OPCML: variants seen among roughly 807,000 people sequenced by gnomAD.
The protein encoded by OPCML is opioid-binding protein/cell adhesion molecule.
Under a neutral mutation model 37.8 loss-of-function variants are expected in OPCML, and 13 were observed. The observed-to-expected ratio is 0.34, with a 90% confidence interval of 0.22 to 0.55. The LOEUF (loss-of-function observed/expected upper bound fraction) is 0.55. OPCML is among the 20% of genes least tolerant of loss of function. OPCML has a pLI of 0.91. For missense variants in OPCML, 341 were observed against 435.6 expected, an observed-to-expected ratio of 0.78 and a Z score of 1.93; for synonymous variants, 176 against 168.8, an observed-to-expected ratio of 1.04 and a Z score of -0.33.
intron 1 of OPCML, among the ~76,000 whole-genome samples, chr11:133,470,690 T>C (rs1371814655): frequency 6.6e-6 from 1 of 152,242 alleles, no homozygotes; most frequent in Non-Finnish European, 1.5e-5. Flanking sequence ...ATCTTTCTAT[T>C]GCACTTTGTG....
intron 2 of OPCML, among the ~76,000 whole-genome samples, chr11:132,790,920 T>C (rs1481790279): frequency 6.6e-6 from 1 of 152,224 alleles, no homozygotes; most frequent in East Asian, 1.9e-4. Flanking sequence ...GCTGTGAGGA[T>C]ATCAGGAAAA....
chr11:133,369,079 T>C (rs1332394000), intron 1 of OPCML, among the ~76,000 whole-genome samples: 1 of 152,254 alleles, frequency 6.6e-6, no homozygotes, highest in Non-Finnish European at 1.5e-5. Flanking sequence ...CAACCAGATT[T>C]GGTGCAACCA....
intron 1 of OPCML, among the ~76,000 whole-genome samples, chr11:133,310,711 G>T (rs1943049314): frequency 6.6e-6 from 1 of 152,122 alleles, no homozygotes; most frequent in Admixed American, 6.5e-5. Flanking sequence ...CCAGGGTTCA[G>T]GTGGAATGAG....
chr11:132,522,419 C>T (rs2096296144), intron 4 of OPCML, among the ~76,000 whole-genome samples: 2 of 152,136 alleles, frequency 1.3e-5, no homozygotes, highest in African/African-American at 4.8e-5. Context: ...AGTTAAAACA[C>T]AAAAAATGTA....
chr11:133,022,762 G>A (rs1166686217), intron 1 of OPCML, among the ~76,000 whole-genome samples: 1 of 152,180 alleles, frequency 6.6e-6, no homozygotes, highest in Non-Finnish European at 1.5e-5. Context: ...CTAAGCCAAA[G>A]TCACACAATC....
intron 2 of OPCML, among the ~76,000 whole-genome samples, chr11:132,705,213 G>A (rs1391282784): frequency 1.3e-5 from 2 of 151,830 alleles, no homozygotes; most frequent in Non-Finnish European, 2.9e-5. Flanking sequence ...CATGGGAGTG[G>A]ATTTCTCACG....
At chr11:132,716,151 C>G (rs988186963) in intron 2 of OPCML, among the ~76,000 whole-genome samples, 1 of 152,210 alleles carries the variant, frequency 6.6e-6, no homozygotes, top group Non-Finnish European at 1.5e-5. Flanking sequence ...GAGGTCTGCA[C>G]TGTGGCCTGC....
At position 132,761,085 on chromosome 11, in the gene OPCML, G is replaced by C. The variant is rs546579513; in HGVS notation, c.147-103766C>G. Among the ~76,000 whole-genome samples the C allele has an allele frequency of 3.9e-5, 6 of 152,216 alleles. No homozygotes were observed. The East Asian group carries it at 1.2e-3, about 29-fold the overall frequency. ...TTAGTTTGGTGGGATATGAAATTCT[G>C]GGTTGAAAATTCTTTTCTTTAAGAA... On this transcript the variant is annotated intron_variant, in intron 2 of 7. Transcript: ENST00000524381.
chr11:133,339,936 G>T (rs191181395), intron 1 of OPCML, among the ~76,000 whole-genome samples: 1 of 152,288 alleles, frequency 6.6e-6, no homozygotes, highest in Admixed American at 6.5e-5. Context: ...CAAAAATCCT[G>T]TAAAAGAAAA....
In OPCML at chr11:133,236,011, CTA is replaced by C. The variant is rs142162752; in HGVS notation, c.62-293003_62-293002del. Among the ~76,000 whole-genome samples the C allele has an allele frequency of 3.2e-3, 492 of 152,302 alleles. 2 individuals carry two copies. The highest frequency in any genetic ancestry group is 0.011 in the African/African-American group (442 of 41,540). On this transcript the variant is annotated intron_variant, in intron 1 of 7. Transcript: ENST00000524381. ...GAATGGTAGTAAAACGTTATATATA[CTA>C]TGTTTTCTCCTATACATACATCCCT...
chr11:133,397,959 A>G (rs1170831498), intron 1 of OPCML, among the ~76,000 whole-genome samples: 1 of 152,194 alleles, frequency 6.6e-6, no homozygotes, highest in Non-Finnish European at 1.5e-5. Flanking sequence ...TTAATATGGC[A>G]TGTTTTCTGA....
rs190900693 is a variant in OPCML at position 132,809,995 on chromosome 11, G to A, written c.146+132931C>T. ...CTCCCGAGTAGCCGGGACTACAGGCGCCCGCCACCACGCCCGGCTAATTTT... is the reference window on the plus strand; with the variant it reads ...CTCCCGAGTAGCCGGGACTACAGGCACCCGCCACCACGCCCGGCTAATTTT... On this transcript the variant is annotated intron_variant, in intron 2 of 7. Transcript: ENST00000524381. 8.9e-3 allele frequency among the ~76,000 whole-genome samples: 1,354 copies of A among 152,066 alleles called. 13 individuals are homozygous for A. The highest frequency in any genetic ancestry group is 0.028 in the South Asian group (136 of 4,804).
chr11:133,044,278 A>G (rs546147012), intron 1 of OPCML, among the ~76,000 whole-genome samples: 1 of 152,228 alleles, frequency 6.6e-6, no homozygotes, highest in South Asian at 2.1e-4. Context: ...AAAGATAGTA[A>G]ATGTAGAGAT....
intron 1 of OPCML, among the ~76,000 whole-genome samples, chr11:133,063,034 G>A (rs796843454): frequency 5.5e-4 from 84 of 152,346 alleles, no homozygotes; most frequent in African/African-American, 2.0e-3. Context: ...ATGGGGCTTT[G>A]GGGTCATGGA....
intron 4 of OPCML, among the ~76,000 whole-genome samples, chr11:132,480,278 GATGAA>G (rs1265476243): frequency 6.6e-6 from 1 of 152,178 alleles, no homozygotes; most frequent in East Asian, 1.9e-4. Context: ...AGTGATGGAA[GATGAA>G]ATGAATGAAA....
At chr11:133,390,303 CA>C (rs370231781) in intron 1 of OPCML, among the ~76,000 whole-genome samples, 4 of 149,060 alleles carry the variant, frequency 2.7e-5, no homozygotes, top group East Asian at 2.0e-4. Flanking sequence ...ACTAAAAATA[CA>C]AAAAAAAAAT....
intron 1 of OPCML, among the ~76,000 whole-genome samples, chr11:133,499,851 T>TAC (rs1947871646): frequency 1.5e-5 from 2 of 131,362 alleles, no homozygotes; most frequent in Non-Finnish European, 1.5e-5. Context: ...TATATATATA[T>TAC]ACATACACAT....
chr11:132,896,386 T>C (rs1943844932), intron 2 of OPCML, among the ~76,000 whole-genome samples: 1 of 152,220 alleles, frequency 6.6e-6, no homozygotes, highest in Non-Finnish European at 1.5e-5. Flanking sequence ...GAGCTGCTGT[T>C]ATTCAGTTGG....
chr11:133,306,548 T>C (rs1430484203), intron 1 of OPCML, among the ~76,000 whole-genome samples: 1 of 152,092 alleles, frequency 6.6e-6, no homozygotes, highest in Admixed American at 6.6e-5. Flanking sequence ...CAGCAGTATA[T>C]ATGTGTGAGA....
Sources: gnomAD v4.1 joint callset for allele counts (sites outside exome capture counted in the v4.1 genomes callset) on GRCh38, gnomAD v4.1.1 for gene constraint, MANE v1.5 for transcripts, NCBI Gene and HGNC (gene_info 2026-07-23, HGNC 2026-07-21) for gene names.